ZSCAN30: variants seen among roughly 807,000 people sequenced by gnomAD.
ZSCAN30 encodes zinc finger and SCAN domain-containing protein 30.
Under a neutral mutation model 44.3 loss-of-function variants are expected in ZSCAN30, and 37 were observed. That is an observed-to-expected ratio of 0.84 (90% CI 0.64 to 1.10). The LOEUF is 1.10. Among genes scored for constraint, ZSCAN30 ranks in the 50% least tolerant of loss-of-function variants. The pLI, the probability that ZSCAN30 is intolerant of heterozygous loss-of-function variation, is 0.00. For synonymous variants in ZSCAN30, 181 were observed against 204.6 expected (o/e 0.88, Z 0.98); for missense variants, 549 against 582.6 (o/e 0.94, Z 0.59).
chr18:35,276,718 G>A (rs2044373243), intron 1 of ZSCAN30, among the ~76,000 whole-genome samples: 1 of 152,234 alleles, frequency 6.6e-6, no homozygotes, highest in Non-Finnish European at 1.5e-5. Flanking sequence ...GTTTGCTGCA[G>A]GGGCAGAGTC....
chr18:35,260,942 T>A (rs1419480650), intron 3 of ZSCAN30: 1 of 152,214 alleles, frequency 6.6e-6, no homozygotes, highest in Non-Finnish European at 1.5e-5. Flanking sequence ...ATGTCCTGAA[T>A]GGTATTACCT....
chr18:35,259,010 T>C (rs575504893), intron 3 of ZSCAN30: 22 of 153,218 alleles, frequency 1.4e-4, no homozygotes, highest in African/African-American at 5.3e-4. Flanking sequence ...GAGTATTTCA[T>C]ATGGACATAA....
At chr18:35,262,100 G>A (rs375885566) in intron 3 of ZSCAN30, 1 of 152,182 alleles carries the variant, frequency 6.6e-6, no homozygotes, top group South Asian at 2.1e-4. Flanking sequence ...ACAAAAAATA[G>A]ATTTATCTCT....
chr18:35,272,457 C>G (rs1159157359), intron 1 of ZSCAN30, among the ~76,000 whole-genome samples: 11 of 151,520 alleles, frequency 7.3e-5, no homozygotes, highest in Admixed American at 7.2e-4. Context: ...AAGCGATTCT[C>G]CTGCCTCATC....
chr18:35,254,846 A>C (rs1344108420), intron 3 of ZSCAN30: 2 of 189,926 alleles, frequency 1.1e-5, no homozygotes, highest in African/African-American at 2.4e-5. Flanking sequence ...ATGCTTTGGG[A>C]GTTAGCACTG....
chr18:35,268,171 C>G (rs917925331), intron 1 of ZSCAN30: 1 of 152,316 alleles, frequency 6.6e-6, no homozygotes, highest in Non-Finnish European at 1.5e-5. Context: ...GGCCCGGCAT[C>G]TTAGCTGGCC....
chr18:35,280,949 A>T (rs928570548), intron 1 of ZSCAN30: 2 of 152,380 alleles, frequency 1.3e-5, no homozygotes, highest in East Asian at 3.9e-4. Context: ...AAAGAAAATT[A>T]ATTTCCAATA....
intron 1 of ZSCAN30, chr18:35,284,018 G>C (rs1298922633): frequency 6.6e-6 from 1 of 152,628 alleles, no homozygotes; most frequent in Non-Finnish European, 1.5e-5. Context: ...GGAGTGGGTA[G>C]CTCCTCTCTG....
chr18:35,258,932 A>AG (rs1347513248), intron 3 of ZSCAN30: 3 of 150,950 alleles, frequency 2.0e-5, no homozygotes, highest in African/African-American at 7.4e-5. Flanking sequence ...ACTGCATTCA[A>AG]GTATAGATTG....
intron 3 of ZSCAN30, 79 bp downstream of exon 3, chr18:35,263,434 G>A (rs1043093055): frequency 1.3e-6 from 2 of 1,562,422 alleles, no homozygotes; most frequent in Admixed American, 1.7e-5. Flanking sequence ...ACAAGTGGCT[G>A]TCGTTAAGAA....
intron 3 of ZSCAN30, chr18:35,263,263 A>T: frequency 2.1e-6 from 1 of 466,904 alleles, no homozygotes; most frequent in South Asian, 3.7e-5. Flanking sequence ...AAAAGAAAAA[A>T]GAAAAAGAAA....
chr18:35,278,578 C>T (rs2044404723), intron 1 of ZSCAN30, among the ~76,000 whole-genome samples: 1 of 152,190 alleles, frequency 6.6e-6, no homozygotes, highest in South Asian at 2.1e-4. Context: ...AATCGCTTCA[C>T]CAAAACGTTT....
At chr18:35,274,446 G>A (rs947470560) in intron 1 of ZSCAN30, among the ~76,000 whole-genome samples, 2 of 152,114 alleles carry the variant, frequency 1.3e-5, no homozygotes, top group African/African-American at 4.8e-5. Context: ...GATTTTTCTG[G>A]GTCAACCAGA....
At position 35,263,973 on chromosome 18, in the gene ZSCAN30, TC is replaced by T. The variant is rs776695029; in HGVS notation, c.379del (p.Glu127LysfsTer23). Reference protein sequence around the residue: ...EEAVTMLEELEKELEEPRQQD... With the variant: ...EEAVTMLEELXKELEEPRQQD... ...TTGCCTTGGCTCCTCCAGTTCTTTTTCCAGCTCCTCCAGCATAGTCACAGCT... is the reference window on the plus strand; with the variant it reads ...TTGCCTTGGCTCCTCCAGTTCTTTTTCAGCTCCTCCAGCATAGTCACAGCT... On this transcript the variant is annotated frameshift_variant, in exon 2 of 4. Transcript: ENST00000333206. LOFTEE classifies it high-confidence loss of function. 1 of 1,614,208 alleles carries T rather than the reference TC, an allele frequency of 6.2e-7. No individual in the cohort carries two copies. Among genetic ancestry groups the T allele is most frequent in the Non-Finnish European group, 8.5e-7 (1 of 1,180,014 alleles).
chr18:35,280,225 G>A (rs978616730), intron 1 of ZSCAN30, among the ~76,000 whole-genome samples: 2 of 150,722 alleles, frequency 1.3e-5, no homozygotes, highest in South Asian at 2.1e-4. Context: ...GCAGTGAGCT[G>A]TGATCACACC....
At chr18:35,260,547 C>T (rs1245666356) in intron 3 of ZSCAN30, 6 of 152,124 alleles carry the variant, frequency 3.9e-5, no homozygotes, top group African/African-American at 7.2e-5. Flanking sequence ...TTTTAATAAT[C>T]GCCATTCTGA....
At chr18:35,259,433 AC>A (rs2043959785) in intron 3 of ZSCAN30, among the ~76,000 whole-genome samples, 1 of 152,104 alleles carries the variant, frequency 6.6e-6, no homozygotes, top group Non-Finnish European at 1.5e-5. Flanking sequence ...GCCTGCCTCA[AC>A]CTCTTAAAGC....
At chr18:35,263,171 T>C in intron 3 of ZSCAN30, 1 of 381,884 alleles carries the variant, frequency 2.6e-6, no homozygotes, top group Non-Finnish European at 5.0e-6. Flanking sequence ...AACCCAGGGG[T>C]TCAAGGCTGC....
intron 1 of ZSCAN30, among the ~76,000 whole-genome samples, chr18:35,286,511 A>G (rs2044552750): frequency 6.6e-6 from 1 of 152,172 alleles, no homozygotes; most frequent in South Asian, 2.1e-4. Flanking sequence ...GTAAATCACC[A>G]TATTAACAAA....
Sources: allele counts gnomAD v4.1 joint callset (sites outside exome capture counted in the v4.1 genomes callset), GRCh38; gene constraint gnomAD v4.1.1; transcripts MANE v1.5; gene names NCBI Gene and HGNC (gene_info 2026-07-23, HGNC 2026-07-21).